The following PNO1 variants were observed in gnomAD, a reference collection of about 807,000 sequenced individuals.
PNO1 encodes the protein RNA-binding protein PNO1.
Under a neutral mutation model 28.4 loss-of-function variants are expected in PNO1, and 16 were observed. The observed-to-expected ratio is 0.56, with a 90% confidence interval of 0.38 to 0.85. PNO1 has a LOEUF of 0.85. Among genes scored for constraint, PNO1 ranks in the 40% least tolerant of loss-of-function variants. PNO1 has a pLI of 0.00. For synonymous variants in PNO1, 115 were observed against 110.8 expected, an observed-to-expected ratio of 1.04 and a Z score of -0.24; for missense variants, 304 against 312.2, an observed-to-expected ratio of 0.97 and a Z score of 0.20.
chr2:68,174,705 T>C (rs771990105), intron 6 of PNO1, 30 bp from the exon 7 acceptor site: 1 of 1,500,422 alleles, frequency 6.7e-7, no homozygotes, highest in South Asian at 1.1e-5. Context: ...TGAGTTTATT[T>C]GTGTATATAC....
Position 68,174,538 on chromosome 2 carries a change from A to C in PNO1, c.692-197A>C, listed in dbSNP as rs371689698. ...TTGCATTGTATTAGGTATTATAAGT[A>C]ATCTAGAGATGATTTAAAGTATATG... On this transcript the variant is annotated intron_variant, in intron 6 of 6. Transcript: ENST00000263657. 2.0e-5 allele frequency among the ~76,000 whole-genome samples: 3 copies of C among 152,332 alleles called. No individual in the cohort carries two copies. In the South Asian group the frequency reaches 6.2e-4, roughly 32 times the overall value.
chr2:68,174,629 T>C (rs548679884), intron 6 of PNO1, 106 bp from the exon 7 acceptor site: 1 of 646,858 alleles, frequency 1.5e-6, no homozygotes, highest in Admixed American at 2.7e-5. Context: ...AGGATTGTGG[T>C]GTCTGTGGGA....
Position 68,174,695 on chromosome 2 carries a change from T to C in PNO1, c.692-40T>C. 5 of 1,393,126 alleles carry C rather than the reference T, an allele frequency of 3.6e-6. No homozygotes were observed. In the South Asian group the frequency reaches 5.9e-5, roughly 16 times the overall value. 86.3% of individuals were successfully genotyped at this position (1,393,126 alleles called of 1,614,324 possible). On this transcript the variant is annotated intron_variant, in intron 6 of 6. Coordinates refer to ENST00000263657, the MANE Select transcript of PNO1 (RefSeq NM_020143.4). ...GGGACAACTGTAGGCGCTATAAATG[T>C]GAGTTTATTTGTGTATATACTTTTT...
rs1057108237 is a variant in PNO1, at chr2:68,162,485, A to G, written c.503-61A>G. The G allele has an allele frequency of 1.2e-5, 15 of 1,206,622 alleles. No homozygotes were observed. The African/African-American group carries it at 2.3e-4, about 18-fold the overall frequency. The allele number at this position is 1,206,622 out of a possible 1,614,324, so 74.7% of individuals were successfully genotyped here. The stretch of plus-strand genomic sequence containing the variant: ...GAAATTTAGTTTATGATTAAACTTT[A>G]TGTGGAATGGGTGGTACACTAGAAT... On this transcript the variant is annotated intron_variant, in intron 4 of 6. Coordinates refer to ENST00000263657, the MANE Select transcript of PNO1 (RefSeq NM_020143.4).
chr2:68,158,462 C>T lies in PNO1; in HGVS notation c.290C>T (p.Thr97Ile). ...PLKENWMKIFTPIVEHLGLQI... is the reference protein window; with the variant it reads ...PLKENWMKIFIPIVEHLGLQI... ...AAAGAAAACTGGATGAAGATATTTA[C>T]TCCTATTGTGGAACATTTGGGACTT... Residue 97 changes from threonine to isoleucine, a missense_variant, in exon 2 of 7, where the codon ACT becomes ATT. Coordinates refer to ENST00000263657, the MANE Select transcript of PNO1 (RefSeq NM_020143.4). 6.2e-7 allele frequency: 1 copy of T among 1,612,874 alleles called. No homozygotes were observed. The highest frequency in any genetic ancestry group is 8.5e-7 in the Non-Finnish European group (1 of 1,178,860).
At chr2:68,162,505 T>G in intron 4 of PNO1, 41 bp from the exon 5 acceptor site, 3 of 1,377,344 alleles carry the variant, frequency 2.2e-6, no homozygotes, top group Non-Finnish European at 3.1e-6. Flanking sequence ...GGTGGTACAC[T>G]AGAATGGCTT....
rs987149001 is a variant in PNO1 at position 68,161,842 on chromosome 2, A to G, written c.441+76A>G. 3 of 812,342 alleles carry G rather than the reference A, an allele frequency of 3.7e-6. No individual in the cohort carries two copies. In the African/African-American group the frequency reaches 5.3e-5, roughly 14 times the overall value. The allele number at this position is 812,342 out of a possible 1,614,324, so 50.3% of individuals were successfully genotyped here. On this transcript the variant is annotated intron_variant, in intron 3 of 6. Transcript: ENST00000263657. Reference sequence around the variant, plus strand: ...GAACATTTCAATGGATTAGGCATTAAAAAAAAAAAAGGCCAGGCACAGTGG... The same window carrying G: ...GAACATTTCAATGGATTAGGCATTAGAAAAAAAAAAGGCCAGGCACAGTGG...
Position 68,174,723 on chromosome 2 carries a change from T to TC in PNO1, c.692-8dup, listed in dbSNP as rs1245993159. 4 of 1,589,542 alleles carry TC rather than the reference T, an allele frequency of 2.5e-6. No individual in the cohort carries two copies. Among genetic ancestry groups the TC allele is most frequent in the African/African-American group, 1.3e-5 (1 of 74,438 alleles). ...GTTTATTTGTGTATATACTTTTTTT[T>TC]CCCCTTTGCAGGAAATCCTCCTTCC... On this transcript the variant is annotated splice_polypyrimidine_tract_variant and intron_variant, in intron 6 of 6. Coordinates refer to ENST00000263657, the MANE Select transcript of PNO1 (RefSeq NM_020143.4).
chr2:68,162,218 G>A, intron 3 of PNO1, 47 bp from the exon 4 acceptor site: 1 of 1,366,802 alleles, frequency 7.3e-7, no homozygotes, highest in Admixed American at 1.8e-5. Flanking sequence ...CTCTTTTTCA[G>A]GTGTGCAAAT....
intron 5 of PNO1, among the ~76,000 whole-genome samples, chr2:68,166,523 G>A (rs765848585): frequency 3.9e-5 from 6 of 152,166 alleles, no homozygotes; most frequent in Non-Finnish European, 8.8e-5. Context: ...TAATCTTGCT[G>A]TCTCATGGGT....
chr2:68,165,377 A>AC (rs1673959807), intron 5 of PNO1, among the ~76,000 whole-genome samples: 9 of 61,796 alleles, frequency 1.5e-4, no homozygotes, highest in African/African-American at 1.8e-4. Flanking sequence ...AAAAAAAAAA[A>AC]AACAACAAAA....
In PNO1 at chr2:68,175,110, T is replaced by G. The variant is rs1674240756; in HGVS notation, c.*308T>G. 3 of 230,776 alleles carry G rather than the reference T, an allele frequency of 1.3e-5. No individual in the cohort carries two copies. In the Admixed American group the frequency reaches 1.5e-4, roughly 12 times the overall value. The allele number at this position is 230,776 out of a possible 1,614,324, so 14.3% of individuals were successfully genotyped here. A position where few individuals can be genotyped will look rare whatever the true frequency, so the allele number is the denominator to read the frequency against. ...TCCTCTCAGAGGGAAACTTCTTGTT[T>G]AAACAGCTCTATATGGATTTATACT... On this transcript the variant is annotated 3_prime_UTR_variant, in exon 7 of 7. Coordinates refer to ENST00000263657, the MANE Select transcript of PNO1 (RefSeq NM_020143.4).
At chr2:68,158,684 C>T (rs1673744748) in intron 2 of PNO1, among the ~76,000 whole-genome samples, 155 bp downstream of exon 2, 1 of 152,156 alleles carries the variant, frequency 6.6e-6, no homozygotes, top group African/African-American at 2.4e-5. Context: ...TCCCAAATGC[C>T]TTAAAAATCT....
chr2:68,158,244 G>A (rs902572055), intron 1 of PNO1, 103 bp downstream of exon 1: 1 of 1,382,490 alleles, frequency 7.2e-7, no homozygotes, highest in Non-Finnish European at 9.9e-7. Context: ...CTGTTCTGCC[G>A]TGATGCTCAG....
intron 2 of PNO1, among the ~76,000 whole-genome samples, chr2:68,158,837 A>T (rs968481479): frequency 3.3e-5 from 5 of 152,236 alleles, no homozygotes; most frequent in African/African-American, 1.2e-4. Flanking sequence ...AAACAGAAGC[A>T]GGTAAATAAT....
intron 5 of PNO1, among the ~76,000 whole-genome samples, chr2:68,171,532 C>T (rs1330228601): frequency 3.9e-5 from 6 of 152,194 alleles, no homozygotes; most frequent in South Asian, 4.1e-4. Flanking sequence ...TCCTTTTGGG[C>T]TTACATCTTT....
In PNO1 at chr2:68,175,706, G is replaced by A. The variant is rs1476778773; in HGVS notation, c.*904G>A. ...TAAAGACCTACATCACAGGGTTAAT[G>A]TGAAGAAAGCTTTATTTTTCAAATG... On this transcript the variant is annotated 3_prime_UTR_variant, in exon 7 of 7. Transcript: ENST00000263657. 6.6e-6 allele frequency: 1 copy of A among 152,128 alleles called. No homozygotes were observed. The highest frequency in any genetic ancestry group is 6.5e-5 in the Admixed American group (1 of 15,278). The allele number at this position is 152,128 out of a possible 1,614,324, so 9.4% of individuals were successfully genotyped here.
intron 1 of PNO1, 42 bp downstream of exon 1, chr2:68,158,183 A>C: frequency 6.5e-7 from 1 of 1,531,786 alleles, no homozygotes; most frequent in Non-Finnish European, 8.8e-7. Flanking sequence ...GGCAAGGGCC[A>C]GACGCGGATC....
intron 5 of PNO1, among the ~76,000 whole-genome samples, chr2:68,169,448 A>G (rs1331464190): frequency 6.6e-6 from 1 of 152,196 alleles, no homozygotes; most frequent in Non-Finnish European, 1.5e-5. Context: ...ATGGGAGATA[A>G]TCAGCATCAC....
Sources: gnomAD v4.1 joint callset for allele counts (sites outside exome capture counted in the v4.1 genomes callset) on GRCh38, gnomAD v4.1.1 for gene constraint, MANE v1.5 for transcripts, NCBI Gene and HGNC (gene_info 2026-07-23, HGNC 2026-07-21) for gene names.